Variants in DIP2C observed in about 807,000 individuals in gnomAD.
The protein encoded by DIP2C is DIP2 acetate--CoA ligase C (putative), also known as disco-interacting protein 2 homolog C.
A neutral mutation model predicts 192.4 loss-of-function variants in DIP2C; 33 were observed. The observed-to-expected ratio is 0.17, with a 90% CI of 0.13 to 0.23. The LOEUF (loss-of-function observed/expected upper bound fraction) is 0.23, where lower values mean the gene tolerates loss of function less well. Ranked by LOEUF, DIP2C falls within the 10% of genes least tolerant of loss-of-function variation. DIP2C has a pLI of 1.00. For missense variants in DIP2C, 1,537 were observed against 2,110.1 expected (o/e 0.73, Z 5.32); for synonymous variants, 979 against 864.1 (o/e 1.13, Z -2.33).
chr10:423,396 TG>T (rs1966343596), intron 4 of DIP2C, among the ~76,000 whole-genome samples: 2 of 152,224 alleles, frequency 1.3e-5, no homozygotes, highest in Admixed American at 6.5e-5. Context: ...GCTGAGGGCC[TG>T]TGCGGCTCTC....
At chr10:327,849 C>T (rs1247210573) in intron 30 of DIP2C, among the ~76,000 whole-genome samples, 5 of 152,198 alleles carry the variant, frequency 3.3e-5, no homozygotes, top group Non-Finnish European at 5.9e-5. Flanking sequence ...TTAACAACAT[C>T]TCAGTTTCCA....
chr10:357,079 G>C (rs377575367), intron 23 of DIP2C, among the ~76,000 whole-genome samples: 14 of 152,306 alleles, frequency 9.2e-5, no homozygotes, highest in African/African-American at 3.4e-4. Flanking sequence ...TCAGGGTACA[G>C]AAAAACCCAC....
At chr10:473,484 A>G (rs567819873) in intron 2 of DIP2C, among the ~76,000 whole-genome samples, 2 of 151,654 alleles carry the variant, frequency 1.3e-5, no homozygotes, top group African/African-American at 4.9e-5. Context: ...AACGGCTCTG[A>G]TATCACAGAA....
chr10:572,235 C>T (rs2131532410), intron 1 of DIP2C, among the ~76,000 whole-genome samples: 1 of 152,364 alleles, frequency 6.6e-6, no homozygotes, highest in East Asian at 1.9e-4. Context: ...GGCATGTGTG[C>T]AGCAAGCTTT....
At chr10:417,046 T>C (rs1965689529) in intron 6 of DIP2C, among the ~76,000 whole-genome samples, 1 of 152,198 alleles carries the variant, frequency 6.6e-6, no homozygotes, top group Non-Finnish European at 1.5e-5. Flanking sequence ...CATTAAATAT[T>C]TCATATCTCT....
Position 368,924 on chromosome 10 carries a change from G to C in DIP2C, c.2131+570C>G, listed in dbSNP as rs1379933771. Reference sequence around the variant, plus strand: ...GCGTGTGCACCCTAAGAATGGTAAAGCGGCTCCTGGGAGGTGCCTGGGCGC... The same window carrying C: ...GCGTGTGCACCCTAAGAATGGTAAACCGGCTCCTGGGAGGTGCCTGGGCGC... On this transcript the variant is annotated intron_variant, in intron 18 of 36. Coordinates refer to ENST00000280886, the MANE Select transcript of DIP2C (RefSeq NM_014974.3). 2.0e-5 allele frequency among the ~76,000 whole-genome samples: 3 copies of C among 152,378 alleles called. No homozygotes were observed. In the East Asian group the frequency reaches 5.8e-4, roughly 29 times the overall value.
intron 10 of DIP2C, among the ~76,000 whole-genome samples, chr10:392,120 A>G (rs1433344521): frequency 6.6e-6 from 1 of 152,194 alleles, no homozygotes; most frequent in Admixed American, 6.5e-5. Context: ...TGCTTGCTCA[A>G]GTAAAGCCCT....
intron 1 of DIP2C, among the ~76,000 whole-genome samples, chr10:558,988 G>T (rs1026038110): frequency 6.6e-6 from 1 of 151,560 alleles, no homozygotes; most frequent in Non-Finnish European, 1.5e-5. Context: ...CTCCACAGGT[G>T]AGTTAGGTCG....
At chr10:306,459 A>G (rs1956325876) in intron 32 of DIP2C, among the ~76,000 whole-genome samples, 1 of 152,218 alleles carries the variant, frequency 6.6e-6, no homozygotes. Context: ...CATACCAATA[A>G]GCTAACCTTC....
chr10:345,036 A>AGCC lies in DIP2C; in HGVS notation c.3303_3305dup (p.Ala1102dup), dbSNP rs759848276. 22 of 1,613,356 alleles carry AGCC rather than the reference A, an allele frequency of 1.4e-5. No homozygotes were observed. The highest frequency in any genetic ancestry group is 2.2e-5 in the East Asian group (1 of 44,888). ...TGAGGGGCCACGTCCTGACGTCCAC[A>AGCC]GCCGCCGCCGCCTCCCTGGACCGCA... is the stretch of plus-strand genomic sequence containing the variant. On this transcript the variant is annotated inframe_insertion, in exon 27 of 37. Transcript: ENST00000280886.
chr10:620,000 G>C (rs1235022312), intron 1 of DIP2C, among the ~76,000 whole-genome samples: 1 of 152,196 alleles, frequency 6.6e-6, no homozygotes, highest in Non-Finnish European at 1.5e-5. Context: ...TCACCGGCAA[G>C]ACACCCAATC....
chr10:414,899 T>TAG (rs2133104767), intron 7 of DIP2C, among the ~76,000 whole-genome samples: 1 of 107,008 alleles, frequency 9.3e-6, no homozygotes, highest in South Asian at 3.1e-4. Flanking sequence ...TGTATATATA[T>TAG]ATATATATTT....
intron 1 of DIP2C, among the ~76,000 whole-genome samples, chr10:680,013 A>G (rs1056190066): frequency 1.3e-4 from 20 of 152,168 alleles, no homozygotes; most frequent in Admixed American, 9.8e-4. Context: ...TATTAGCCCC[A>G]TTCAACAGCT....
chr10:277,206 C>T lies in DIP2C; in HGVS notation c.*119G>A. The T allele has an allele frequency of 1.4e-6, 2 of 1,456,454 alleles. No individual in the cohort carries two copies. The highest frequency in any genetic ancestry group is 2.3e-5 in the East Asian group (1 of 43,624). 90.2% of individuals were successfully genotyped at this position (1,456,454 alleles called of 1,614,324 possible). ...TCCTCTTCCTCCTCCTCTTCCTCCT[C>T]CACTCTCACCACAAATGGCTGTATT... On this transcript the variant is annotated 3_prime_UTR_variant, in exon 37 of 37. Coordinates refer to ENST00000280886, the MANE Select transcript of DIP2C (RefSeq NM_014974.3).
chr10:349,361 C>T lies in DIP2C; in HGVS notation c.3079G>A (p.Gly1027Ser), dbSNP rs548883145. 3 of 1,610,032 alleles carry T rather than the reference C, an allele frequency of 1.9e-6. No individual in the cohort carries two copies. Among genetic ancestry groups the T allele is most frequent in the Non-Finnish European group, 1.7e-6 (2 of 1,179,422 alleles). The change falls in exon 25 of 37, where the codon GGC becomes AGC. Residue 1027 changes from glycine to serine, a missense_variant. By Grantham distance (56) the Gly-to-Ser change is moderately conservative (BLOSUM62 0). Transcript: ENST00000280886. ...MLMERGHLQD[G>S]DHVALVYPPG... ...GGGTAGACCAAGGCCACGTGGTCGC[C>T]GTCCTGAAGGTGGCCCCTCTCCATC... is the stretch of plus-strand genomic sequence containing the variant.
intron 1 of DIP2C, among the ~76,000 whole-genome samples, chr10:508,579 C>G (rs960811628): frequency 6.6e-6 from 1 of 152,180 alleles, no homozygotes; most frequent in Non-Finnish European, 1.5e-5. Flanking sequence ...GCAAAGACCA[C>G]TCAATGGTCT....
chr10:387,391 G>A (rs970397863), intron 14 of DIP2C, among the ~76,000 whole-genome samples: 1 of 152,202 alleles, frequency 6.6e-6, no homozygotes, highest in African/African-American at 2.4e-5. Context: ...TTGCACAAGT[G>A]AAACGTAGGC....
chr10:527,735 G>A (rs962467536), intron 1 of DIP2C, among the ~76,000 whole-genome samples: 1 of 152,224 alleles, frequency 6.6e-6, no homozygotes, highest in Non-Finnish European at 1.5e-5. Flanking sequence ...AGATGAGTGA[G>A]ATGGTTGGCC....
intron 4 of DIP2C, among the ~76,000 whole-genome samples, chr10:425,760 T>C (rs529925894): frequency 6.6e-6 from 1 of 152,334 alleles, no homozygotes; most frequent in East Asian, 1.9e-4. Flanking sequence ...TCATACACCA[T>C]ATAGAATTAT....
Sources: allele counts gnomAD v4.1 joint callset (sites outside exome capture counted in the v4.1 genomes callset), GRCh38; gene constraint gnomAD v4.1.1; transcripts MANE v1.5; gene names NCBI Gene and HGNC (gene_info 2026-07-23, HGNC 2026-07-21).